CHRM3: variants seen among roughly 807,000 people sequenced by gnomAD.
CHRM3 encodes the protein cholinergic receptor muscarinic 3.
In CHRM3, 11 loss-of-function variants were observed where a neutral mutation model predicts 41.8. The observed-to-expected ratio is 0.26, with a 90% CI of 0.17 to 0.44. The LOEUF (loss-of-function observed/expected upper bound fraction) is 0.44, where lower values mean the gene tolerates loss of function less well. Among genes scored for constraint, CHRM3 ranks in the 20% least tolerant of loss-of-function variants. The pLI, the probability that CHRM3 is intolerant of heterozygous loss-of-function variation, is 1.00. For missense variants in CHRM3, 571 were observed against 745.4 expected (o/e 0.77, Z 2.72); for synonymous variants, 297 against 301.4 (o/e 0.99, Z 0.15).
chr1:239,729,741 G>A (rs530213702), intron 5 of CHRM3, among the ~76,000 whole-genome samples: 2 of 151,998 alleles, frequency 1.3e-5, no homozygotes, highest in Non-Finnish European at 2.9e-5. Flanking sequence ...TTAAAAATGC[G>A]TGATGTTACA....
At position 239,708,736 on chromosome 1, in the gene CHRM3, C is replaced by CTTTTTTTTTTTTTTTTTTTTTT. The variant is rs869143310; in HGVS notation, c.-147+30454_-147+30475dup. The stretch of plus-strand genomic sequence containing the variant: ...CTTTGTTTCTTCTGGTTTAAATTTT[C>CTTTTTTTTTTTTTTTTTTTTTT]TTTTTTTTTTTTTTTTTTTTTTTTT... On this transcript the variant is annotated intron_variant, in intron 5 of 6. Coordinates refer to ENST00000676153, the MANE Select transcript of CHRM3 (RefSeq NM_001375978.1). Among the ~76,000 whole-genome samples the CTTTTTTTTTTTTTTTTTTTTTT allele has an allele frequency of 1.7e-4, 8 of 48,338 alleles. 2 individuals carry two copies. Among genetic ancestry groups the CTTTTTTTTTTTTTTTTTTTTTT allele is most frequent in the Non-Finnish European group, 1.8e-4 (5 of 28,520 alleles). 31.7% of individuals were successfully genotyped at this position (48,338 alleles called of 152,430 possible).
At chr1:239,403,745 A>T (rs1285698709) in intron 1 of CHRM3, among the ~76,000 whole-genome samples, 1 of 151,918 alleles carries the variant, frequency 6.6e-6, no homozygotes, top group African/African-American at 2.4e-5. Context: ...TGGAGGGGTG[A>T]TCATGTGTGG....
intron 5 of CHRM3, among the ~76,000 whole-genome samples, chr1:239,764,771 C>T (rs930016557): frequency 1.3e-5 from 2 of 152,222 alleles, no homozygotes; most frequent in Admixed American, 6.5e-5. Flanking sequence ...TCTCTAGCCA[C>T]GTCTCATGAG....
chr1:239,817,823 C>T (rs1433070829), intron 5 of CHRM3, among the ~76,000 whole-genome samples: 1 of 152,154 alleles, frequency 6.6e-6, no homozygotes, highest in South Asian at 2.1e-4. Context: ...ACCACCCTCT[C>T]ACCCTCTCAG....
At chr1:239,771,651 G>A (rs1667685048) in intron 5 of CHRM3, among the ~76,000 whole-genome samples, 1 of 152,206 alleles carries the variant, frequency 6.6e-6, no homozygotes, top group Non-Finnish European at 1.5e-5. Flanking sequence ...GGGGCAGATA[G>A]TATTATAATA....
intron 2 of CHRM3, among the ~76,000 whole-genome samples, chr1:239,505,453 A>C (rs1558273955): frequency 6.6e-6 from 1 of 152,060 alleles, no homozygotes; most frequent in Non-Finnish European, 1.5e-5. Flanking sequence ...ATCAGATCTG[A>C]TGGTTACATA....
intron 3 of CHRM3, among the ~76,000 whole-genome samples, chr1:239,623,678 G>C (rs1461518541): frequency 1.4e-5 from 1 of 71,922 alleles, no homozygotes; most frequent in Non-Finnish European, 2.7e-5. Flanking sequence ...TCCCCAGAGT[G>C]TGATATTCGC....
intron 1 of CHRM3, among the ~76,000 whole-genome samples, chr1:239,470,780 T>G (rs1666062689): frequency 6.6e-6 from 1 of 152,170 alleles, no homozygotes; most frequent in Non-Finnish European, 1.5e-5. Flanking sequence ...TTGTTTTGTG[T>G]TTTTATTTTG....
chr1:239,637,452 A>G (rs1187727481), intron 4 of CHRM3, among the ~76,000 whole-genome samples: 6 of 149,478 alleles, frequency 4.0e-5, no homozygotes, highest in Non-Finnish European at 8.9e-5. Context: ...AAATTCCTTG[A>G]TCAAATGGTA....
chr1:239,833,527 CA>C (rs1673059315), intron 6 of CHRM3, among the ~76,000 whole-genome samples: 1 of 152,160 alleles, frequency 6.6e-6, no homozygotes. Flanking sequence ...CAGGACTCAA[CA>C]AAGGAGGCTA....
At chr1:239,456,639 T>G (rs60374536) in intron 1 of CHRM3, among the ~76,000 whole-genome samples, 2 of 152,104 alleles carry the variant, frequency 1.3e-5, no homozygotes, top group African/African-American at 4.8e-5. Context: ...GAAGTTTCCA[T>G]GCCAAAGTAG....
chr1:239,893,072 T>C (rs1352977037), intron 6 of CHRM3, among the ~76,000 whole-genome samples: 6 of 152,322 alleles, frequency 3.9e-5, no homozygotes, highest in Non-Finnish European at 5.9e-5. Flanking sequence ...TCTCAGAACC[T>C]TTCTGTGTCT....
chr1:239,817,204 A>G (rs923064811), intron 5 of CHRM3, among the ~76,000 whole-genome samples: 2 of 152,094 alleles, frequency 1.3e-5, no homozygotes, highest in African/African-American at 4.8e-5. Context: ...CCCTGTGGGG[A>G]AAGCAAGACC....
At chr1:239,607,375 G>C (rs2148725068) in intron 3 of CHRM3, among the ~76,000 whole-genome samples, 1 of 152,262 alleles carries the variant, frequency 6.6e-6, no homozygotes, top group African/African-American at 2.4e-5. Flanking sequence ...AAAAAAAAGA[G>C]TTGTCAAATT....
At chr1:239,526,098 G>A (rs779982404) in intron 2 of CHRM3, among the ~76,000 whole-genome samples, 1 of 152,094 alleles carries the variant, frequency 6.6e-6, no homozygotes, top group Non-Finnish European at 1.5e-5. Context: ...ATTATATGGG[G>A]CAATCGGAAT....
At chr1:239,774,324 T>C (rs1667923492) in intron 5 of CHRM3, among the ~76,000 whole-genome samples, 1 of 152,160 alleles carries the variant, frequency 6.6e-6, no homozygotes, top group African/African-American at 2.4e-5. Context: ...TGTATTTTAA[T>C]AGTCGTAGTA....
chr1:239,512,869 C>G (rs1669014475), intron 2 of CHRM3, among the ~76,000 whole-genome samples: 1 of 151,898 alleles, frequency 6.6e-6, no homozygotes, highest in Non-Finnish European at 1.5e-5. Context: ...GGCCGATGGC[C>G]CAGGTTATCT....
At chr1:239,771,895 T>C (rs181419695) in intron 5 of CHRM3, among the ~76,000 whole-genome samples, 2 of 152,350 alleles carry the variant, frequency 1.3e-5, no homozygotes, top group Non-Finnish European at 2.9e-5. Context: ...ATCCACAGTA[T>C]ATTCTTAGGT....
At chr1:239,798,758 C>G (rs1355889762) in intron 5 of CHRM3, among the ~76,000 whole-genome samples, 1 of 152,110 alleles carries the variant, frequency 6.6e-6, no homozygotes, top group Non-Finnish European at 1.5e-5. Context: ...TCAAAGACTT[C>G]CTGATGTTAA....
Sources: gnomAD v4.1 joint callset for allele counts (sites outside exome capture counted in the v4.1 genomes callset) on GRCh38, gnomAD v4.1.1 for gene constraint, MANE v1.5 for transcripts, NCBI Gene and HGNC (gene_info 2026-07-23, HGNC 2026-07-21) for gene names.